SKAP2: variants seen among roughly 807,000 people sequenced by gnomAD.
SKAP2 encodes src kinase-associated phosphoprotein 2.
In SKAP2, 28 loss-of-function variants were observed where a neutral mutation model predicts 54.9. The observed-to-expected ratio is 0.51, with a 90% CI of 0.38 to 0.70. The LOEUF (loss-of-function observed/expected upper bound fraction) is 0.70, where lower values mean the gene tolerates loss of function less well. Among genes scored for constraint, SKAP2 ranks in the 30% least tolerant of loss-of-function variants. SKAP2 has a pLI of 0.00. For synonymous variants in SKAP2, 137 were observed against 134.3 expected, an observed-to-expected ratio of 1.02 and a Z score of -0.14; for missense variants, 356 against 424.1, an observed-to-expected ratio of 0.84 and a Z score of 1.41.
Position 26,684,748 on chromosome 7 carries a change from G to A in SKAP2, c.975C>T (p.Tyr325=). 2 of 1,605,382 alleles carry A rather than the reference G, an allele frequency of 1.2e-6. No homozygotes were observed. The highest frequency in any genetic ancestry group is 1.7e-6 in the Non-Finnish European group (2 of 1,172,506). Residue 325 remains tyrosine, a synonymous_variant, in exon 11 of 13, where the codon TAC becomes TAT. Transcript: ENST00000345317. ...ELSFKRGDVI[Y]ILSKEYNRYG... ...GGTATCTTCTTACCTTGCTAAGAAT[G>A]TAAATCACATCACCACGCTTAAATG...
chr7:26,662,719 T>A (rs1346298418), downstream of SKAP2, among the ~76,000 whole-genome samples: 1 of 152,070 alleles, frequency 6.6e-6, no homozygotes, highest in African/African-American at 2.4e-5. Flanking sequence ...AGAGAGATAA[T>A]AACACACATT....
At chr7:26,767,738 C>T (rs1012097935) in intron 4 of SKAP2, among the ~76,000 whole-genome samples, 1 of 152,178 alleles carries the variant, frequency 6.6e-6, no homozygotes, top group African/African-American at 2.4e-5. Context: ...CATTCAGGAG[C>T]AGGCTGTTCA....
At chr7:26,738,709 A>G (rs1782363933) in intron 6 of SKAP2, 86 bp downstream of exon 6, 1 of 709,626 alleles carries the variant, frequency 1.4e-6, no homozygotes, top group Non-Finnish European at 2.5e-6. Flanking sequence ...GTTTGTCTTC[A>G]GTTTACTCTG....
intron 9 of SKAP2, among the ~76,000 whole-genome samples, chr7:26,719,236 T>C (rs899554023): frequency 1.3e-5 from 2 of 151,934 alleles, no homozygotes; most frequent in South Asian, 2.1e-4. Context: ...ACAAATAATA[T>C]AAAATAATCA....
intron 4 of SKAP2, among the ~76,000 whole-genome samples, chr7:26,775,233 C>T (rs1310266021): frequency 6.6e-6 from 1 of 152,102 alleles, no homozygotes; most frequent in Non-Finnish European, 1.5e-5. Context: ...TTCTCCAGTG[C>T]TGCCTCCTCC....
At chr7:26,678,318 A>AT (rs1169553481) in intron 11 of SKAP2, among the ~76,000 whole-genome samples, 3 of 152,190 alleles carry the variant, frequency 2.0e-5, no homozygotes, top group Admixed American at 2.0e-4. Context: ...GGGACGCACT[A>AT]TAAGGCAATC....
chr7:26,698,873 G>C (rs937754460), intron 9 of SKAP2, among the ~76,000 whole-genome samples: 15 of 152,288 alleles, frequency 9.8e-5, no homozygotes, highest in Admixed American at 4.6e-4. Context: ...TTAGAAACTT[G>C]TATCTGCCAC....
chr7:26,734,864 A>C (rs1056637788), intron 6 of SKAP2, among the ~76,000 whole-genome samples: 1 of 152,246 alleles, frequency 6.6e-6, no homozygotes, highest in African/African-American at 2.4e-5. Context: ...TATCCTTGGG[A>C]GTTAATTTCC....
chr7:26,861,220 T>C (rs1785265297), intron 1 of SKAP2, among the ~76,000 whole-genome samples: 2 of 142,972 alleles, frequency 1.4e-5, no homozygotes, highest in African/African-American at 4.9e-5. Context: ...CTTACTTTCT[T>C]GCCTGTCTAG....
At chr7:26,709,461 T>C (rs1326167124) in intron 9 of SKAP2, among the ~76,000 whole-genome samples, 3 of 152,182 alleles carry the variant, frequency 2.0e-5, no homozygotes, top group Non-Finnish European at 4.4e-5. Flanking sequence ...CTTCCTCTTT[T>C]TGAGGCCCTC....
At chr7:26,851,302 CTATAGTTCCATCTACTA>C (rs879871667) in intron 3 of SKAP2, among the ~76,000 whole-genome samples, 20 of 150,846 alleles carry the variant, frequency 1.3e-4, no homozygotes, top group Non-Finnish European at 2.5e-4. Flanking sequence ...AGGCAAGCAC[CTATAGTTCCATCTACTA>C]TATAGTTCCA....
intron 4 of SKAP2, among the ~76,000 whole-genome samples, chr7:26,834,737 C>G (rs888927972): frequency 6.6e-6 from 1 of 152,084 alleles, no homozygotes; most frequent in East Asian, 1.9e-4. Flanking sequence ...CAGGACCAGA[C>G]GGATTCACAG....
intron 4 of SKAP2, among the ~76,000 whole-genome samples, chr7:26,820,441 A>T (rs1210220451): frequency 4.9e-5 from 7 of 144,054 alleles, no homozygotes; most frequent in African/African-American, 1.8e-4. Flanking sequence ...TTGAAATTTC[A>T]AGATTATCTA....
intron 10 of SKAP2, among the ~76,000 whole-genome samples, chr7:26,687,740 G>C (rs1355772915): frequency 6.6e-6 from 1 of 151,988 alleles, no homozygotes; most frequent in African/African-American, 2.4e-5. Flanking sequence ...CAAAAGCGCA[G>C]GTTTGCAAAA....
chr7:26,722,209 A>G (rs1787593673), intron 9 of SKAP2, among the ~76,000 whole-genome samples: 1 of 152,204 alleles, frequency 6.6e-6, no homozygotes, highest in African/African-American at 2.4e-5. Context: ...AACACAAAGA[A>G]GTCTTACAAA....
At chr7:26,789,880 G>A (rs527447338) in intron 4 of SKAP2, among the ~76,000 whole-genome samples, 2 of 152,304 alleles carry the variant, frequency 1.3e-5, no homozygotes, top group African/African-American at 4.8e-5. Flanking sequence ...TAAGTATATG[G>A]TTGCTCTGTG....
chr7:26,665,382 AT>A (rs1373226714), downstream of SKAP2, among the ~76,000 whole-genome samples: 1 of 152,204 alleles, frequency 6.6e-6, no homozygotes, highest in African/African-American at 2.4e-5. Flanking sequence ...TGTTATAACA[AT>A]AAAATCCAAT....
intron 11 of SKAP2, 73 bp from the exon 12 acceptor site, chr7:26,670,265 A>G: frequency 1.4e-6 from 1 of 729,838 alleles, no homozygotes; most frequent in Non-Finnish European, 2.5e-6. Context: ...GCAACTTCTT[A>G]GAAATGTTAT....
At chr7:26,661,603 A>C in the SKAP2 span, among the ~76,000 whole-genome samples, 1 of 152,166 alleles carries the variant, frequency 6.6e-6, no homozygotes. Flanking sequence ...ACAGAAATTG[A>C]CCATAGCTTG....
Sources: gnomAD v4.1 joint callset for allele counts (sites outside exome capture counted in the v4.1 genomes callset) on GRCh38, gnomAD v4.1.1 for gene constraint, MANE v1.5 for transcripts, NCBI Gene and HGNC (gene_info 2026-07-23, HGNC 2026-07-21) for gene names.